Variants in NSUN6 observed in about 807,000 individuals in gnomAD.
NSUN6 encodes NOP2/Sun RNA methyltransferase 6, also known as tRNA (cytosine(72)-C(5))-methyltransferase NSUN6.
In NSUN6, 64 loss-of-function variants were observed where a neutral mutation model predicts 58.0. That is an observed-to-expected ratio of 1.10 (90% confidence interval 0.90 to 1.36). The LOEUF (loss-of-function observed/expected upper bound fraction) is 1.36, where lower values mean the gene tolerates loss of function less well. Ranked by LOEUF, NSUN6 falls within the 40% of genes most tolerant of loss-of-function variation. The pLI is 0.00. For missense variants in NSUN6, 701 were observed against 550.1 expected (o/e 1.27, Z -2.74); for synonymous variants, 231 against 193.9 (o/e 1.19, Z -1.59).
intron 6 of NSUN6, among the ~76,000 whole-genome samples, chr10:18,596,724 C>A (rs1290752365): frequency 6.6e-6 from 1 of 152,054 alleles, no homozygotes. Flanking sequence ...GGACTTTTTT[C>A]CCAAAAAATG....
intron 10 of NSUN6, among the ~76,000 whole-genome samples, chr10:18,546,893 A>C (rs2054299170): frequency 6.6e-6 from 1 of 151,964 alleles, no homozygotes; most frequent in African/African-American, 2.4e-5. Flanking sequence ...AATGAAAGAA[A>C]AGAAAAGAAA....
chr10:18,573,453 C>T (rs1311702099), intron 8 of NSUN6, among the ~76,000 whole-genome samples: 1 of 150,854 alleles, frequency 6.6e-6, no homozygotes, highest in Admixed American at 6.6e-5. Context: ...CATTCCATTC[C>T]ATATTCCATT....
chr10:18,605,229 A>T (rs1024882126), intron 6 of NSUN6, among the ~76,000 whole-genome samples: 10 of 151,880 alleles, frequency 6.6e-5, no homozygotes, highest in Non-Finnish European at 8.8e-5. Context: ...AAATTGTTTC[A>T]TACTATGTGG....
At chr10:18,637,232 G>T (rs1426493020) in intron 3 of NSUN6, among the ~76,000 whole-genome samples, 1 of 152,060 alleles carries the variant, frequency 6.6e-6, no homozygotes, top group Non-Finnish European at 1.5e-5. Flanking sequence ...CAAAGTGCTG[G>T]GATTACAGGC....
chr10:18,620,474 T>C (rs918262213), intron 3 of NSUN6, among the ~76,000 whole-genome samples: 4 of 152,176 alleles, frequency 2.6e-5, no homozygotes, highest in Non-Finnish European at 5.9e-5. Flanking sequence ...CTCTCCCAAC[T>C]TCTTCAGTTT....
At chr10:18,637,023 C>T (rs7905432) in intron 3 of NSUN6, among the ~76,000 whole-genome samples, 18,607 of 143,656 alleles carry the variant, frequency 0.13, 1,331 homozygotes, top group Middle Eastern at 0.24. Flanking sequence ...AGTGCAATGG[C>T]GAGATCTCAG....
At chr10:18,596,412 G>T in intron 6 of NSUN6, 85 bp from the exon 7 acceptor site, 1 of 882,940 alleles carries the variant, frequency 1.1e-6, no homozygotes, top group South Asian at 1.5e-5. Context: ...AACCCTTTGG[G>T]GGTAATCCAC....
At chr10:18,563,870 C>G (rs2055728827) in intron 8 of NSUN6, among the ~76,000 whole-genome samples, 1 of 151,298 alleles carries the variant, frequency 6.6e-6, no homozygotes, top group African/African-American at 2.4e-5. Context: ...ATTCCATATT[C>G]CATTCCATTC....
At chr10:18,628,797 C>G (rs1015086815) in intron 3 of NSUN6, among the ~76,000 whole-genome samples, 1 of 152,058 alleles carries the variant, frequency 6.6e-6, no homozygotes, top group Admixed American at 6.6e-5. Context: ...CAGAAAGTGA[C>G]GGGGAGAATG....
chr10:18,548,611 T>C (rs2054428569), intron 9 of NSUN6, among the ~76,000 whole-genome samples: 1 of 152,200 alleles, frequency 6.6e-6, no homozygotes, highest in African/African-American at 2.4e-5. Flanking sequence ...TTTTTATTCT[T>C]ATTTTTTTAA....
intron 3 of NSUN6, among the ~76,000 whole-genome samples, chr10:18,641,725 G>A (rs1389787444): frequency 9.2e-5 from 14 of 152,128 alleles, no homozygotes; most frequent in African/African-American, 2.6e-4. Context: ...ACGTAAACGC[G>A]CAGAACATAA....
upstream of NSUN6, chr10:18,651,867 C>T (rs2059716112): frequency 3.0e-6 from 3 of 985,308 alleles, no homozygotes; most frequent in South Asian, 4.7e-5. Context: ...AATGGGGAAA[C>T]AGCCAAATGG....
At chr10:18,624,148 G>C (rs1201169102) in intron 3 of NSUN6, among the ~76,000 whole-genome samples, 1 of 151,806 alleles carries the variant, frequency 6.6e-6, no homozygotes, top group African/African-American at 2.4e-5. Context: ...CCTCAAAAAA[G>C]GGATAAAAGA....
chr10:18,585,406 C>T (rs979070886), intron 8 of NSUN6, among the ~76,000 whole-genome samples: 3 of 152,112 alleles, frequency 2.0e-5, no homozygotes, highest in African/African-American at 7.2e-5. Context: ...GATATGGAAT[C>T]CATCAAGAAA....
rs1400382028 is a variant in NSUN6, at chr10:18,651,169, T to G, written c.35A>C (p.Glu12Ala). 12 of 1,582,126 alleles carry G rather than the reference T, an allele frequency of 7.6e-6. No homozygotes were observed. Among genetic ancestry groups the G allele is most frequent in the Non-Finnish European group, 1.0e-5 (12 of 1,170,140 alleles). ...GCCTTCCTTAAGATAGTTTTCAACC[T>G]CAGGTCTCAAAGATATCTTAGGGAA... The part of the protein sequence containing the change: ...SIFPKISLRP[E>A]VENYLKEGFM... The change falls in exon 1 of 11, where the codon GAG (glutamate) becomes GCG (alanine). Residue 12 changes from glutamate (E) to alanine (A), a missense_variant. Glu to Ala is a moderately radical substitution (Grantham distance 107). Coordinates refer to ENST00000377304, the MANE Select transcript of NSUN6 (RefSeq NM_182543.5).
At chr10:18,559,308 A>C (rs190843553) in intron 8 of NSUN6, among the ~76,000 whole-genome samples, 1 of 149,214 alleles carries the variant, frequency 6.7e-6, no homozygotes, top group African/African-American at 2.5e-5. Flanking sequence ...GAATGGAATG[A>C]AATGGAATGG....
chr10:18,583,856 G>A (rs1445062059), intron 8 of NSUN6, among the ~76,000 whole-genome samples: 1 of 152,150 alleles, frequency 6.6e-6, no homozygotes, highest in East Asian at 1.9e-4. Flanking sequence ...AAGAAAAAAG[G>A]AATGAATTGC....
intron 3 of NSUN6, among the ~76,000 whole-genome samples, chr10:18,633,660 A>C (rs375848191): frequency 6.6e-6 from 1 of 152,152 alleles, no homozygotes; most frequent in Admixed American, 6.5e-5. Flanking sequence ...GAATCTAGGA[A>C]TATCTTGTCA....
At chr10:18,596,463 A>T in intron 6 of NSUN6, 136 bp from the exon 7 acceptor site, 1 of 577,586 alleles carries the variant, frequency 1.7e-6, no homozygotes, top group Non-Finnish European at 3.1e-6. Context: ...ATTTTTATAA[A>T]TATACTCAGG....
Sources: gnomAD v4.1 joint callset for allele counts (sites outside exome capture counted in the v4.1 genomes callset) on GRCh38, gnomAD v4.1.1 for gene constraint, MANE v1.5 for transcripts, NCBI Gene and HGNC (gene_info 2026-07-23, HGNC 2026-07-21) for gene names.